Variants in SERTAD4 observed in about 807,000 individuals in gnomAD.
SERTAD4 encodes the protein SERTA domain containing 4, also known as SERTA domain-containing protein 4.
In SERTAD4, 18 loss-of-function variants were observed where a neutral mutation model predicts 32.9. The ratio of observed to expected loss-of-function variants is 0.55; its 90% CI spans 0.38 to 0.81. The LOEUF (loss-of-function observed/expected upper bound fraction) is 0.81, where lower values mean the gene tolerates loss of function less well. SERTAD4 is among the 30% of genes least tolerant of loss of function. The pLI is 0.00. For synonymous variants in SERTAD4, 150 were observed against 156.4 expected (o/e 0.96, Z 0.30); for missense variants, 383 against 426.0 (o/e 0.90, Z 0.89).
At chr1:210,241,534 C>G in intron 3 of SERTAD4, 24 bp from the exon 4 acceptor site, 1 of 1,110,532 alleles carries the variant, frequency 9.0e-7, no homozygotes. Context: ...TTGTTTTTTT[C>G]TTTTTTTTTT....
chr1:210,238,174 G>A (rs375758610), intron 2 of SERTAD4, 39 bp downstream of exon 2: 5 of 1,210,798 alleles, frequency 4.1e-6, no homozygotes, highest in African/African-American at 3.0e-5. Flanking sequence ...CCCACCCCTC[G>A]CTGCCCTTTG....
Position 210,242,466 on chromosome 1 carries a change from A to C in SERTAD4, c.*129A>C. On this transcript the variant is annotated 3_prime_UTR_variant, in exon 4 of 4. Coordinates refer to ENST00000367012, the MANE Select transcript of SERTAD4 (RefSeq NM_019605.5). This position sits in a 1 kb window ranked among gnomAD's most constrained non-coding sequence, Gnocchi z 4.0. ...TGCCATGAACATGCCATGTCGTTTTAATGCCTGGAGAGCAGATTGCGTAAA... is the reference window on the plus strand; with the variant it reads ...TGCCATGAACATGCCATGTCGTTTTCATGCCTGGAGAGCAGATTGCGTAAA... The C allele has an allele frequency of 2.1e-6, 3 of 1,442,436 alleles. No homozygotes were observed. Among genetic ancestry groups the C allele is most frequent in the Non-Finnish European group, 2.7e-6 (3 of 1,103,176 alleles). 89.4% of individuals were successfully genotyped at this position (1,442,436 alleles called of 1,614,324 possible).
chr1:210,239,683 G>A, intron 3 of SERTAD4, 75 bp downstream of exon 3: 1 of 810,426 alleles, frequency 1.2e-6, no homozygotes, highest in Non-Finnish European at 1.9e-6. Flanking sequence ...TCCACTTCCA[G>A]GAATTAAATT....
intron 3 of SERTAD4, 73 bp downstream of exon 3, chr1:210,239,681 C>A: frequency 1.2e-6 from 1 of 831,414 alleles, no homozygotes; most frequent in Non-Finnish European, 1.9e-6. Context: ...GATCCACTTC[C>A]AGGAATTAAA....
intron 1 of SERTAD4, chr1:210,233,563 C>G: frequency 2.4e-6 from 1 of 408,392 alleles, no homozygotes; most frequent in South Asian, 1.8e-5. Flanking sequence ...CCGCCACCTC[C>G]GCCCCCGCAC....
At chr1:210,234,292 G>T (rs1302779517) in intron 1 of SERTAD4, among the ~76,000 whole-genome samples, 1 of 151,838 alleles carries the variant, frequency 6.6e-6, no homozygotes, top group Non-Finnish European at 1.5e-5. Context: ...CCCCGCAACC[G>T]CCACACACAC....
rs1414354517 is a variant in SERTAD4 at position 210,242,082 on chromosome 1, A to G, written c.816A>G (p.Ser272=). Residue 272 remains serine (S), a synonymous_variant, in exon 4 of 4, where the codon TCA becomes TCG. Coordinates refer to ENST00000367012, the MANE Select transcript of SERTAD4 (RefSeq NM_019605.5). The surrounding 1 kb of genome is among the most constrained non-coding windows in gnomAD (Gnocchi z 4.0). ...AAATCTTTGTCACTAATGTCAGATC[A>G]CTTGGTGTTCAGGAAAAGGCCAAAT... ...ANEIFVTNVR[S]LGVQEKAKLN... The G allele has an allele frequency of 6.2e-7, 1 of 1,614,192 alleles. No individual in the cohort carries two copies.
At chr1:210,237,901 G>T (rs544235085) in intron 1 of SERTAD4, 43 bp from the exon 2 acceptor site, 6 of 1,523,712 alleles carry the variant, frequency 3.9e-6, no homozygotes, top group African/African-American at 2.8e-5. Context: ...CTCTTGATTA[G>T]GGCTGTTTTC....
chr1:210,234,577 G>A (rs917876423), intron 1 of SERTAD4, among the ~76,000 whole-genome samples: 5 of 152,172 alleles, frequency 3.3e-5, no homozygotes, highest in African/African-American at 1.2e-4. Flanking sequence ...ATCATTTTGG[G>A]ACAATGTGGA....
rs1320477278 is a variant in SERTAD4 at position 210,242,445 on chromosome 1, A to G, written c.*108A>G. 40 of 1,467,524 alleles carry G rather than the reference A, an allele frequency of 2.7e-5. No individual in the cohort carries two copies. Among genetic ancestry groups the G allele is most frequent in the Non-Finnish European group, 3.3e-5 (37 of 1,114,470 alleles). The allele number at this position is 1,467,524 out of a possible 1,614,324, so 90.9% of individuals were successfully genotyped here. A position where few individuals can be genotyped will look rare whatever the true frequency, so the allele number is the denominator to read the frequency against. ...TTTGTACAACAGATAAAATTATGCC[A>G]TGAACATGCCATGTCGTTTTAATGC... On this transcript the variant is annotated 3_prime_UTR_variant, in exon 4 of 4. Coordinates refer to ENST00000367012, the MANE Select transcript of SERTAD4 (RefSeq NM_019605.5). The surrounding 1 kb of genome is among the most constrained non-coding windows in gnomAD (Gnocchi z 4.0).
At position 210,243,112 on chromosome 1, in the gene SERTAD4, A is replaced by AC. The variant is rs1281946815; in HGVS notation, c.*775_*776insC. On this transcript the variant is annotated 3_prime_UTR_variant, in exon 4 of 4. Coordinates refer to ENST00000367012, the MANE Select transcript of SERTAD4 (RefSeq NM_019605.5). ...ACAGGACAAAAAAAAAAAAAAAAAA[A>AC]AAACCACAGGGTGGATCAATATGGT... 2.9e-4 allele frequency: 280 copies of AC among 968,172 alleles called. 1 individual carries two copies. In the African/African-American group the frequency reaches 4.6e-3, roughly 16 times the overall value. The allele number at this position is 968,172 out of a possible 1,614,324, so 60.0% of individuals were successfully genotyped here.
chr1:210,241,164 G>A (rs1226293055), intron 3 of SERTAD4, among the ~76,000 whole-genome samples: 5 of 152,098 alleles, frequency 3.3e-5, no homozygotes, highest in Middle Eastern at 3.4e-3. Context: ...CCCTCGCCCC[G>A]CTCACCCCAA....
Position 210,246,073 on chromosome 1 carries a change from A to G in SERTAD4, c.*3736A>G, listed in dbSNP as rs973703155. 3.6e-5 allele frequency: 9 copies of G among 251,060 alleles called. No individual in the cohort carries two copies. Among genetic ancestry groups the G allele is most frequent in the Non-Finnish European group, 5.0e-5 (8 of 158,842 alleles). The allele number at this position is 251,060 out of a possible 1,614,324, so 15.6% of individuals were successfully genotyped here. On this transcript the variant is annotated 3_prime_UTR_variant, in exon 4 of 4. Transcript: ENST00000367012. ...ATTTTTTCAGAGACAAGCATTCAGC[A>G]TGGCATTAGTAATGATGGTTTAAAC...
Position 210,241,548 on chromosome 1 carries a change from T to G in SERTAD4, c.292-10T>G. 3.4e-6 allele frequency: 5 copies of G among 1,468,680 alleles called. No homozygotes were observed. The highest frequency in any genetic ancestry group is 4.5e-6 in the Non-Finnish European group (5 of 1,110,612). 91.0% of individuals were successfully genotyped at this position (1,468,680 alleles called of 1,614,324 possible). A position where few individuals can be genotyped will look rare whatever the true frequency, so the allele number is the denominator to read the frequency against. Reference sequence around the variant, plus strand: ...TTTGTTTTTTTCTTTTTTTTTTTTTTGGTTTGTAGACCATCTCAATTTTTG... The same window carrying G: ...TTTGTTTTTTTCTTTTTTTTTTTTTGGGTTTGTAGACCATCTCAATTTTTG... On this transcript the variant is annotated splice_polypyrimidine_tract_variant and intron_variant, in intron 3 of 3. Coordinates refer to ENST00000367012, the MANE Select transcript of SERTAD4 (RefSeq NM_019605.5).
chr1:210,238,323 A>G (rs574365547), intron 2 of SERTAD4, among the ~76,000 whole-genome samples, 188 bp downstream of exon 2: 1 of 152,332 alleles, frequency 6.6e-6, no homozygotes, highest in East Asian at 1.9e-4. Flanking sequence ...CAGAGGTGAT[A>G]TTTAAATTGC....
In SERTAD4 at chr1:210,242,948, GTTTCTGGC is replaced by G. The variant is rs1371916002; in HGVS notation, c.*614_*621del. 1.0e-6 allele frequency: 1 copy of G among 985,638 alleles called. No individual in the cohort carries two copies. Among genetic ancestry groups the G allele is most frequent in the Admixed American group, 6.2e-5 (1 of 16,248 alleles). 61.1% of individuals were successfully genotyped at this position (985,638 alleles called of 1,614,324 possible). A position where few individuals can be genotyped will look rare whatever the true frequency, so the allele number is the denominator to read the frequency against. On this transcript the variant is annotated 3_prime_UTR_variant, in exon 4 of 4. Coordinates refer to ENST00000367012, the MANE Select transcript of SERTAD4 (RefSeq NM_019605.5). The surrounding 1 kb of genome is among the most constrained non-coding windows in gnomAD (Gnocchi z 4.0). ...TACACAGAGAGGGTATTCCCTGCAA[GTTTCTGGC>G]TTGCCTGTGATGGGTGATGAGGCTT...
Position 210,244,737 on chromosome 1 carries a change from G to A in SERTAD4, c.*2400G>A, listed in dbSNP as rs995528569. On this transcript the variant is annotated 3_prime_UTR_variant, in exon 4 of 4. Coordinates refer to ENST00000367012, the MANE Select transcript of SERTAD4 (RefSeq NM_019605.5). ...CCAAAGCTGTAAAATGACAAAGTTG[G>A]TGATTTTCAGCAGCACTCACCTGAG... 6.6e-6 allele frequency: 1 copy of A among 152,008 alleles called. No homozygotes were observed. Among genetic ancestry groups the A allele is most frequent in the Non-Finnish European group, 1.5e-5 (1 of 68,024 alleles). The allele number at this position is 152,008 out of a possible 1,614,324, so 9.4% of individuals were successfully genotyped here.
downstream of SERTAD4, chr1:210,246,516 A>G (rs2084050239): frequency 1.1e-5 from 10 of 946,990 alleles, no homozygotes; most frequent in East Asian, 1.2e-4. Context: ...AGTGACTTTA[A>G]TAAAACATGC....
In SERTAD4 at chr1:210,244,446, A is replaced by G. The variant is rs1027031127; in HGVS notation, c.*2109A>G. On this transcript the variant is annotated 3_prime_UTR_variant, in exon 4 of 4. Transcript: ENST00000367012. ...TGAATCTTAGCTGATTGCATTATGA[A>G]CTGTCAAACTGTGAAGATGACCCAT... 1 of 152,238 alleles carries G rather than the reference A, an allele frequency of 6.6e-6. No homozygotes were observed. The highest frequency in any genetic ancestry group is 2.4e-5 in the African/African-American group (1 of 41,470). 9.4% of individuals were successfully genotyped at this position (152,238 alleles called of 1,614,324 possible).
Sources: allele counts gnomAD v4.1 joint callset (sites outside exome capture counted in the v4.1 genomes callset), GRCh38; gene constraint gnomAD v4.1.1; non-coding constraint Gnocchi (gnomAD v3.1); transcripts MANE v1.5; gene names NCBI Gene and HGNC (gene_info 2026-07-23, HGNC 2026-07-21).